Variants in ANGPT1 observed in about 807,000 individuals in gnomAD.
ANGPT1 encodes the protein angiopoietin 1.
Under a neutral mutation model 62.2 loss-of-function variants are expected in ANGPT1, and 17 were observed. That is an observed-to-expected ratio of 0.27 (90% CI 0.19 to 0.41). ANGPT1 has a LOEUF of 0.41. Among genes scored for constraint, ANGPT1 ranks in the 10% least tolerant of loss-of-function variants. ANGPT1 has a pLI of 1.00. For synonymous variants in ANGPT1, 199 were observed against 198.9 expected, an observed-to-expected ratio of 1.00 and a Z score of 0.00; for missense variants, 478 against 594.9, an observed-to-expected ratio of 0.80 and a Z score of 2.04.
chr8:107,294,100 A>T (rs538632381), intron 5 of ANGPT1, 63 bp from the exon 6 acceptor site: 3 of 1,338,414 alleles, frequency 2.2e-6, no homozygotes, highest in African/African-American at 1.5e-5. Flanking sequence ...TATATCCTAC[A>T]TGTTTCAAAA....
At chr8:107,314,041 G>A (rs143020298) in intron 4 of ANGPT1, among the ~76,000 whole-genome samples, 1 of 152,278 alleles carries the variant, frequency 6.6e-6, no homozygotes, top group African/African-American at 2.4e-5. Context: ...CGTGACTAAT[G>A]TCTACTGTTC....
At chr8:107,333,290 A>G in intron 3 of ANGPT1, among the ~76,000 whole-genome samples, 1 of 152,166 alleles carries the variant, frequency 6.6e-6, no homozygotes, top group Admixed American at 6.5e-5. Context: ...ATACAGCAAT[A>G]CCAGGAGGCA....
chr8:107,269,913 T>C (rs191180300), intron 7 of ANGPT1, among the ~76,000 whole-genome samples: 18 of 152,194 alleles, frequency 1.2e-4, no homozygotes, highest in East Asian at 1.2e-3. Context: ...CTGATGTCCA[T>C]TGAAATTAGT....
intron 1 of ANGPT1, among the ~76,000 whole-genome samples, chr8:107,494,164 T>C (rs1813034432): frequency 6.6e-6 from 1 of 152,198 alleles, no homozygotes; most frequent in Non-Finnish European, 1.5e-5. Context: ...AAACAGATCT[T>C]CTAAGGATTC....
At chr8:107,370,396 G>GA (rs796177926) in intron 1 of ANGPT1, among the ~76,000 whole-genome samples, 7,566 of 62,226 alleles carry the variant, frequency 0.12, 2,523 homozygotes, top group Non-Finnish European at 0.2. Context: ...AAGAAAGAAA[G>GA]AAAGAAAGAA....
At chr8:107,332,765 A>G (rs989622674) in intron 3 of ANGPT1, among the ~76,000 whole-genome samples, 4 of 152,152 alleles carry the variant, frequency 2.6e-5, no homozygotes, top group Non-Finnish European at 5.9e-5. Flanking sequence ...TTCCTTGGGG[A>G]GGAAACAAAG....
At chr8:107,314,123 A>G (rs4626569) in intron 4 of ANGPT1, among the ~76,000 whole-genome samples, 141,870 of 152,234 alleles carry the variant, frequency 0.93, 66,201 homozygotes, top group African/African-American at 0.98. Context: ...AAATGACTTA[A>G]TTGAAAGTCT....
intron 1 of ANGPT1, among the ~76,000 whole-genome samples, chr8:107,454,726 A>G (rs895498884): frequency 2.6e-5 from 4 of 152,080 alleles, no homozygotes; most frequent in African/African-American, 9.7e-5. Flanking sequence ...GACAAATTTC[A>G]CCTGCCTAAC....
intron 1 of ANGPT1, among the ~76,000 whole-genome samples, chr8:107,461,351 G>A (rs1381451642): frequency 6.6e-6 from 1 of 152,022 alleles, no homozygotes; most frequent in Non-Finnish European, 1.5e-5. Context: ...CCACTTATCT[G>A]TATTCACAAT....
In ANGPT1 at chr8:107,310,299, T is replaced by C. The variant is rs186451257; in HGVS notation, c.809-6932A>G. On this transcript the variant is annotated intron_variant, in intron 4 of 8. Transcript: ENST00000517746. ...TCAATATATTGCTTTACATGGGAAGTTGAAGCTCAGAAATGCTACTAACTT... is the reference window on the plus strand; with the variant it reads ...TCAATATATTGCTTTACATGGGAAGCTGAAGCTCAGAAATGCTACTAACTT... Among the ~76,000 whole-genome samples the C allele has an allele frequency of 1.3e-3, 201 of 152,288 alleles. 1 individual carries two copies. Among genetic ancestry groups the C allele is most frequent in the African/African-American group, 4.5e-3 (189 of 41,570 alleles).
intron 1 of ANGPT1, among the ~76,000 whole-genome samples, chr8:107,367,582 C>G (rs1176257672): frequency 6.6e-6 from 1 of 152,168 alleles, no homozygotes; most frequent in Non-Finnish European, 1.5e-5. Flanking sequence ...ATCACTCACT[C>G]TGGGGAAAGT....
chr8:107,403,637 A>T (rs888548275), intron 1 of ANGPT1, among the ~76,000 whole-genome samples: 1 of 152,142 alleles, frequency 6.6e-6, no homozygotes, highest in African/African-American at 2.4e-5. Flanking sequence ...TCTCTTTGTG[A>T]TAGGATTAGA....
chr8:107,324,215 A>ATGTATATATATATATGTG (rs1554582627), intron 3 of ANGPT1, among the ~76,000 whole-genome samples: 11 of 144,772 alleles, frequency 7.6e-5, no homozygotes, highest in African/African-American at 2.6e-4. Context: ...GTATATATAT[A>ATGTATATATATATATGTG]TGTGTGTGTG....
chr8:107,259,283 C>T (rs1201025709), intron 8 of ANGPT1, among the ~76,000 whole-genome samples: 8 of 152,128 alleles, frequency 5.3e-5, no homozygotes, highest in Admixed American at 5.2e-4. Context: ...GATCTTGTCA[C>T]TTCAAGGTCA....
At chr8:107,286,838 G>A (rs1586189208) in intron 6 of ANGPT1, among the ~76,000 whole-genome samples, 1 of 152,130 alleles carries the variant, frequency 6.6e-6, no homozygotes, top group East Asian at 1.9e-4. Flanking sequence ...GGAAATATTA[G>A]AGCAATTTCT....
intron 1 of ANGPT1, among the ~76,000 whole-genome samples, chr8:107,467,258 T>A (rs1812229050): frequency 6.6e-6 from 1 of 151,908 alleles, no homozygotes; most frequent in Non-Finnish European, 1.5e-5. Context: ...ACCTCATAAA[T>A]AGTTGTACAT....
chr8:107,253,141 A>G (rs1372764508), intron 8 of ANGPT1, among the ~76,000 whole-genome samples: 1 of 152,244 alleles, frequency 6.6e-6, no homozygotes, highest in African/African-American at 2.4e-5. Flanking sequence ...AGCTGCATTA[A>G]TCACCAGTTC....
At chr8:107,469,753 C>T (rs1237786936) in intron 1 of ANGPT1, among the ~76,000 whole-genome samples, 1 of 152,040 alleles carries the variant, frequency 6.6e-6, no homozygotes, top group African/African-American at 2.4e-5. Context: ...CACTGCAATA[C>T]ATGCTTTTTT....
At chr8:107,255,180 A>G (rs1813329932) in intron 8 of ANGPT1, among the ~76,000 whole-genome samples, 1 of 152,136 alleles carries the variant, frequency 6.6e-6, no homozygotes, top group Non-Finnish European at 1.5e-5. Context: ...TGATGGAAAC[A>G]CAGAGGCAGT....
Sources: gnomAD v4.1 joint callset for allele counts (sites outside exome capture counted in the v4.1 genomes callset) on GRCh38, gnomAD v4.1.1 for gene constraint, MANE v1.5 for transcripts, NCBI Gene and HGNC (gene_info 2026-07-23, HGNC 2026-07-21) for gene names.